BIRC6: variants seen among roughly 807,000 people sequenced by gnomAD.
BIRC6 encodes baculoviral IAP repeat containing 6, also known as dual E2 ubiquitin-conjugating enzyme/E3 ubiquitin-protein ligase BIRC6.
In BIRC6, 98 loss-of-function variants were observed where a neutral mutation model predicts 503.3. That is an observed-to-expected ratio of 0.19 (90% CI 0.17 to 0.23). The LOEUF (loss-of-function observed/expected upper bound fraction) is 0.23. Ranked by LOEUF, BIRC6 falls within the 10% of genes least tolerant of loss-of-function variation. BIRC6 has a pLI of 1.00. For synonymous variants in BIRC6, 2,240 were observed against 2,078.7 expected, an observed-to-expected ratio of 1.08 and a Z score of -2.11; for missense variants, 5,360 against 5,806.0, an observed-to-expected ratio of 0.92 and a Z score of 2.50.
Position 32,440,751 on chromosome 2 carries a change from T to TTTTTTATTA in BIRC6, c.3811-576_3811-575insTTTATTATT, listed in dbSNP as rs773312894. ...TATTTTATTTTATTGTGTTTATTTATTTATTATTATTATTATTATTATTAT... is the reference window on the plus strand; with the variant it reads ...TATTTTATTTTATTGTGTTTATTTATTTTTTATTATTATTATTATTATTATTATTATTAT... On this transcript the variant is annotated intron_variant, in intron 16 of 73. Transcript: ENST00000421745. 7.5e-5 allele frequency among the ~76,000 whole-genome samples: 11 copies of TTTTTTATTA among 147,180 alleles called. 1 individual carries two copies. The highest frequency in any genetic ancestry group is 2.0e-4 in the Admixed American group (3 of 14,732).
At chr2:32,393,159 A>G (rs1037889783) in intron 5 of BIRC6, among the ~76,000 whole-genome samples, 2 of 151,986 alleles carry the variant, frequency 1.3e-5, no homozygotes, top group Non-Finnish European at 2.9e-5. Context: ...CAGAAGCAGC[A>G]TTACAGGTAG....
At chr2:32,596,763 C>T (rs1040553034) in intron 68 of BIRC6, among the ~76,000 whole-genome samples, 19 of 152,178 alleles carry the variant, frequency 1.2e-4, no homozygotes, top group Non-Finnish European at 2.1e-4. Context: ...AAATACATGG[C>T]AGTGTTCTTG....
At chr2:32,546,924 C>A (rs935238922) in intron 63 of BIRC6, among the ~76,000 whole-genome samples, 1 of 152,102 alleles carries the variant, frequency 6.6e-6, no homozygotes, top group Non-Finnish European at 1.5e-5. Flanking sequence ...ATTAAAATTA[C>A]AAAAATTAGC....
chr2:32,466,243 A>G (rs1327763611), intron 26 of BIRC6, among the ~76,000 whole-genome samples: 1 of 152,186 alleles, frequency 6.6e-6, no homozygotes, highest in Non-Finnish European at 1.5e-5. Context: ...TAGCTGACCC[A>G]CCCCAAAACA....
chr2:32,501,666 T>A (rs1381338257), intron 46 of BIRC6, 47 bp from the exon 47 acceptor site: 3 of 1,523,550 alleles, frequency 2.0e-6, no homozygotes. Context: ...CCACTGCGCC[T>A]GGCTGGATAT....
intron 8 of BIRC6, 146 bp from the exon 9 acceptor site, chr2:32,406,353 C>A: frequency 1.7e-6 from 1 of 601,214 alleles, no homozygotes; most frequent in Non-Finnish European, 3.0e-6. Flanking sequence ...GAGCTGTGTT[C>A]CTGCCACTGT....
chr2:32,408,697 T>A (rs1462245994), intron 9 of BIRC6, among the ~76,000 whole-genome samples: 2 of 152,214 alleles, frequency 1.3e-5, no homozygotes, highest in Non-Finnish European at 2.9e-5. Context: ...AAAGATACTG[T>A]AATCATGTTT....
At chr2:32,506,820 T>A (rs1235554449) in intron 50 of BIRC6, among the ~76,000 whole-genome samples, 3 of 152,308 alleles carry the variant, frequency 2.0e-5, no homozygotes, top group African/African-American at 7.2e-5. Context: ...TGTGGGAGCG[T>A]GGATTACTTA....
chr2:32,484,761 C>G (rs1003265382), intron 39 of BIRC6, among the ~76,000 whole-genome samples: 2 of 152,018 alleles, frequency 1.3e-5, no homozygotes, highest in Non-Finnish European at 2.9e-5. Flanking sequence ...GTCTTGAACT[C>G]CTGGGTGAGC....
intron 73 of BIRC6, among the ~76,000 whole-genome samples, chr2:32,616,265 A>G (rs911395475): frequency 6.6e-6 from 1 of 152,090 alleles, no homozygotes; most frequent in Admixed American, 6.5e-5. Context: ...GTGCAGTTCT[A>G]TAGGCTGGGT....
At chr2:32,382,517 A>G (rs2149433865) in intron 3 of BIRC6, among the ~76,000 whole-genome samples, 1 of 152,268 alleles carries the variant, frequency 6.6e-6, no homozygotes, top group Non-Finnish European at 1.5e-5. Flanking sequence ...GGAGAACCTA[A>G]AAGCCAGGAA....
In BIRC6 at chr2:32,380,135, T is replaced by G. The variant is rs957126686; in HGVS notation, c.508-18T>G. The G allele has an allele frequency of 2.1e-6, 3 of 1,462,304 alleles. No homozygotes were observed. The highest frequency in any genetic ancestry group is 2.5e-5 in the East Asian group (1 of 39,564). The allele number at this position is 1,462,304 out of a possible 1,614,324, so 90.6% of individuals were successfully genotyped here. A position where few individuals can be genotyped will look rare whatever the true frequency, so the allele number is the denominator to read the frequency against. On this transcript the variant is annotated intron_variant, in intron 2 of 73. Transcript: ENST00000421745. ...GTTGAATTTTCTGTGATTTTTTTAT[T>G]TTTTATTTTTTATTTAGGCACAGCA...
At position 32,594,040 on chromosome 2, in the gene BIRC6, G is replaced by T. The variant is rs776481982; in HGVS notation, c.13481G>T (p.Ser4494Ile). ...TAEIVYAATT[S>I]LRQANQEKKL... ...GAGATAGTTTATGCAGCCACCACCAGTTTGCGGCAAGCAAATCAGGGTACA... is the reference window on the plus strand; with the variant it reads ...GAGATAGTTTATGCAGCCACCACCATTTTGCGGCAAGCAAATCAGGGTACA... Residue 4494 changes from serine (S) to isoleucine (I), a missense_variant, in exon 67 of 74, where the codon AGT becomes ATT. Coordinates refer to ENST00000421745, the MANE Select transcript of BIRC6 (RefSeq NM_016252.4). The T allele has an allele frequency of 1.7e-5, 27 of 1,610,598 alleles. No homozygotes were observed. Among genetic ancestry groups the T allele is most frequent in the Admixed American group, 1.2e-4 (7 of 59,544 alleles).
At chr2:32,481,199 GTT>G (rs533082288) in intron 37 of BIRC6, 119 bp from the exon 38 acceptor site, 21 of 690,460 alleles carry the variant, frequency 3.0e-5, no homozygotes, top group Non-Finnish European at 3.7e-5. Flanking sequence ...CATACATAGA[GTT>G]TTTTTTTTTA....
At chr2:32,520,894 A>G (rs1008799742) in intron 57 of BIRC6, among the ~76,000 whole-genome samples, 26 of 152,224 alleles carry the variant, frequency 1.7e-4, no homozygotes, top group African/African-American at 6.3e-4. Context: ...TTGATATTTC[A>G]TATGTTTAAC....
In BIRC6 at chr2:32,479,569, G is replaced by A; in HGVS notation, c.7360G>A (p.Val2454Ile). 1 of 1,609,804 alleles carries A rather than the reference G, an allele frequency of 6.2e-7. No individual in the cohort carries two copies. The highest frequency in any genetic ancestry group is 8.5e-7 in the Non-Finnish European group (1 of 1,177,812). The change falls in exon 37 of 74, where the codon GTT becomes ATT. Residue 2454 changes from valine (V) to isoleucine (I), a missense_variant. Physicochemically the swap from Val to Ile is conservative, Grantham distance 29. Coordinates refer to ENST00000421745, the MANE Select transcript of BIRC6 (RefSeq NM_016252.4). ...DSDDSLQQSSVQLLETIDEPL... is the reference protein window; with the variant it reads ...DSDDSLQQSSIQLLETIDEPL... Reference sequence around the variant, plus strand: ...TGATGACTCCCTTCAACAGTCCTCAGTTCAGTTGCTGGAAACTATAGATGA... The same window carrying A: ...TGATGACTCCCTTCAACAGTCCTCAATTCAGTTGCTGGAAACTATAGATGA...
At chr2:32,602,948 A>G (rs768205695) in intron 70 of BIRC6, 58 bp from the exon 71 acceptor site, 42 of 1,426,736 alleles carry the variant, frequency 2.9e-5, no homozygotes, top group Non-Finnish European at 4.0e-5. Flanking sequence ...TCTCGTTATG[A>G]CAGTTTGTTT....
chr2:32,551,244 T>C (rs2058398728), intron 65 of BIRC6, among the ~76,000 whole-genome samples: 1 of 151,284 alleles, frequency 6.6e-6, no homozygotes, highest in Non-Finnish European at 1.5e-5. Flanking sequence ...ATATAATTAG[T>C]TATCAGTTTT....
chr2:32,471,226 C>T, intron 32 of BIRC6, 102 bp downstream of exon 32: 6 of 1,403,140 alleles, frequency 4.3e-6, no homozygotes, highest in Non-Finnish European at 5.8e-6. Context: ...TGGCTATTGG[C>T]CTGGAGCTAC....
Sources: allele counts gnomAD v4.1 joint callset (sites outside exome capture counted in the v4.1 genomes callset), GRCh38; gene constraint gnomAD v4.1.1; transcripts MANE v1.5; gene names NCBI Gene and HGNC (gene_info 2026-07-23, HGNC 2026-07-21).